Variants in LRPPRC observed in about 807,000 individuals in gnomAD.
LRPPRC encodes leucine-rich PPR motif-containing protein, mitochondrial.
In LRPPRC, 120 loss-of-function variants were observed where a neutral mutation model predicts 180.3. The ratio of observed to expected loss-of-function variants is 0.67; its 90% confidence interval spans 0.57 to 0.77. The LOEUF is 0.77. Among genes scored for constraint, LRPPRC ranks in the 30% least tolerant of loss-of-function variants. The probability of loss-of-function intolerance (pLI) is 0.00; values close to 1 mark genes in which losing one functional copy is unlikely to be tolerated. For missense variants in LRPPRC, 2,012 were observed against 1,657.2 expected, an observed-to-expected ratio of 1.21 and a Z score of -3.72; for synonymous variants, 723 against 600.0, an observed-to-expected ratio of 1.21 and a Z score of -3.00.
intron 23 of LRPPRC, among the ~76,000 whole-genome samples, chr2:43,937,074 TG>T (rs1327871068): frequency 6.6e-6 from 1 of 152,198 alleles, no homozygotes; most frequent in Non-Finnish European, 1.5e-5. Context: ...TTGTCTCAAT[TG>T]TATTTCCCCC....
Position 43,934,185 on chromosome 2 carries a change from C to A in LRPPRC, c.2736+5G>T. 2 of 1,535,030 alleles carry A rather than the reference C, an allele frequency of 1.3e-6. No homozygotes were observed. Among genetic ancestry groups the A allele is most frequent in the Non-Finnish European group, 1.8e-6 (2 of 1,108,942 alleles). On this transcript the variant is annotated splice_donor_5th_base_variant and intron_variant, in intron 25 of 37. Transcript: ENST00000260665. ...ACAATTAGAACACTGTAGTTAAAAT[C>A]ACACCTCAATGATCTTCTTGGCCTC...
Position 43,899,338 on chromosome 2 carries a change from G to A in LRPPRC, c.3710-4C>T. The A allele has an allele frequency of 6.2e-7, 1 of 1,611,738 alleles. No homozygotes were observed. The highest frequency in any genetic ancestry group is 8.5e-7 in the Non-Finnish European group (1 of 1,177,866). On this transcript the variant is annotated splice_region_variant and splice_polypyrimidine_tract_variant and intron_variant, in intron 33 of 37. Coordinates refer to ENST00000260665, the MANE Select transcript of LRPPRC (RefSeq NM_133259.4). ...AATCTCTCCGCCATGATGCTTACTG[G>A]AAAAATGACAGGTAAGAAAAATCTT...
chr2:43,970,787 G>A (rs1025045608), intron 11 of LRPPRC, among the ~76,000 whole-genome samples: 1 of 152,150 alleles, frequency 6.6e-6, no homozygotes, highest in Non-Finnish European at 1.5e-5. Context: ...TTTATTAGGA[G>A]GCAACTGCTT....
chr2:43,972,771 CT>C (rs971037157), intron 11 of LRPPRC, among the ~76,000 whole-genome samples: 1 of 152,090 alleles, frequency 6.6e-6, no homozygotes, highest in Non-Finnish European at 1.5e-5. Context: ...GCTAAAAGCA[CT>C]TTTTTTGTTG....
intron 1 of LRPPRC, among the ~76,000 whole-genome samples, chr2:43,992,768 C>A (rs1457316307): frequency 1.3e-5 from 2 of 151,938 alleles, no homozygotes; most frequent in Non-Finnish European, 2.9e-5. Context: ...GCAACATTCA[C>A]GAAAATAGGG....
intron 14 of LRPPRC, among the ~76,000 whole-genome samples, chr2:43,952,597 C>T (rs11898901): frequency 0.61 from 93,337 of 152,070 alleles, 30,081 homozygotes; most frequent in East Asian, 0.96. Flanking sequence ...TGCTACTCAA[C>T]CTCTTTCAGG....
At position 43,947,369 on chromosome 2, in the gene LRPPRC, G is replaced by C; in HGVS notation, c.1967C>G (p.Thr656Ser). 2 of 1,498,450 alleles carry C rather than the reference G, an allele frequency of 1.3e-6. No individual in the cohort carries two copies. The highest frequency in any genetic ancestry group is 9.3e-7 in the Non-Finnish European group (1 of 1,076,322). 92.8% of individuals were successfully genotyped at this position (1,498,450 alleles called of 1,614,324 possible). Residue 656 changes from threonine to serine, a missense_variant and splice_region_variant, in exon 20 of 38, where the codon ACT becomes AGT. Thr to Ser is a moderately conservative substitution (Grantham distance 58). Transcript: ENST00000260665. The stretch of plus-strand genomic sequence containing the variant: ...CAATTCAGATGATGTAAGTTGCACA[G>C]TCTACAGAAAAGAAAAAAGAAAAGA... The part of the protein sequence containing the change: ...VESKNLDFQK[T>S]VQLTSSELES...
At chr2:43,945,081 G>C (rs1425013802) in intron 22 of LRPPRC, among the ~76,000 whole-genome samples, 1 of 151,992 alleles carries the variant, frequency 6.6e-6, no homozygotes, top group African/African-American at 2.4e-5. Context: ...AATCCAAACA[G>C]CAATGCTAAT....
In LRPPRC at chr2:43,887,707, T is replaced by C. The variant is rs1428421932; in HGVS notation, c.*893A>G. On this transcript the variant is annotated 3_prime_UTR_variant, in exon 38 of 38. Coordinates refer to ENST00000260665, the MANE Select transcript of LRPPRC (RefSeq NM_133259.4). ...TACCTATCTTAGAATTTTTTTGAAG[T>C]CACTACTTACAGTGTAGATATTAAC... is the stretch of plus-strand genomic sequence containing the variant. The C allele has an allele frequency of 6.6e-6, 1 of 152,234 alleles. No individual in the cohort carries two copies. The highest frequency in any genetic ancestry group is 2.4e-5 in the African/African-American group (1 of 41,462). The allele number at this position is 152,234 out of a possible 1,614,324, so 9.4% of individuals were successfully genotyped here.
intron 22 of LRPPRC, among the ~76,000 whole-genome samples, chr2:43,944,975 G>C (rs1361105823): frequency 2.0e-5 from 3 of 152,074 alleles, no homozygotes; most frequent in South Asian, 4.1e-4. Flanking sequence ...ACGTTTATAG[G>C]TTTTACGTTC....
At chr2:43,905,545 T>C in intron 31 of LRPPRC, 147 bp downstream of exon 31, 1 of 716,762 alleles carries the variant, frequency 1.4e-6, no homozygotes, top group East Asian at 2.6e-5. Context: ...GCATGTACAG[T>C]AATTTATGTC....
chr2:43,920,244 T>C (rs1671651301), intron 27 of LRPPRC, among the ~76,000 whole-genome samples: 1 of 152,080 alleles, frequency 6.6e-6, no homozygotes, highest in Non-Finnish European at 1.5e-5. Flanking sequence ...CAAGCAATTC[T>C]CCTGCCTCAG....
intron 30 of LRPPRC, among the ~76,000 whole-genome samples, chr2:43,906,086 T>C (rs1296350792): frequency 6.6e-6 from 1 of 152,202 alleles, no homozygotes; most frequent in Non-Finnish European, 1.5e-5. Flanking sequence ...AATAACTGCG[T>C]GCCCCGCATT....
At chr2:43,953,648 G>T (rs1433208230) in intron 14 of LRPPRC, among the ~76,000 whole-genome samples, 1 of 152,134 alleles carries the variant, frequency 6.6e-6, no homozygotes, top group South Asian at 2.1e-4. Context: ...TTAAGTCAGG[G>T]GAGACGCAGA....
chr2:43,914,936 T>C (rs2105017433), intron 29 of LRPPRC, among the ~76,000 whole-genome samples: 1 of 150,458 alleles, frequency 6.6e-6, no homozygotes, highest in South Asian at 2.1e-4. Context: ...ACGGGCGTGG[T>C]GGTGGCTCAT....
At chr2:43,889,965 T>C in intron 36 of LRPPRC, 89 bp from the exon 37 acceptor site, 1 of 884,200 alleles carries the variant, frequency 1.1e-6, no homozygotes, top group Non-Finnish European at 1.9e-6. Context: ...GACGGCTGGA[T>C]CCCTTTATCC....
At chr2:43,936,343 A>C (rs577129624) in intron 23 of LRPPRC, among the ~76,000 whole-genome samples, 3 of 152,304 alleles carry the variant, frequency 2.0e-5, no homozygotes, top group African/African-American at 7.2e-5. Context: ...AAGTGGTGCA[A>C]TTTGGAATAA....
chr2:43,905,773 T>A lies in LRPPRC; in HGVS notation c.3283A>T (p.Thr1095Ser), dbSNP rs1671048851. The change falls in exon 31 of 38, where the codon ACC (threonine) becomes TCC (serine). Residue 1095 changes from threonine to serine, a missense_variant. Coordinates refer to ENST00000260665, the MANE Select transcript of LRPPRC (RefSeq NM_133259.4). ...QAMEVKAFAE[T>S]HIKGFTLNDA... ...TTCAGTGTGAAGCCCTTGATGTGGG[T>A]CTCCGCGCTAAAAGAAGCAGACATT... 1 of 1,607,576 alleles carries A rather than the reference T, an allele frequency of 6.2e-7. No homozygotes were observed.
At chr2:43,898,188 G>A (rs867711720) in intron 34 of LRPPRC, among the ~76,000 whole-genome samples, 1 of 151,792 alleles carries the variant, frequency 6.6e-6, no homozygotes, top group Non-Finnish European at 1.5e-5. Context: ...GAGAAGCAGT[G>A]CTAATTCACC....
Sources: allele counts gnomAD v4.1 joint callset (sites outside exome capture counted in the v4.1 genomes callset), GRCh38; gene constraint gnomAD v4.1.1; transcripts MANE v1.5; gene names NCBI Gene and HGNC (gene_info 2026-07-23, HGNC 2026-07-21).